Variants in POU6F2 observed in about 807,000 individuals in gnomAD.
POU6F2 encodes the protein POU domain, class 6, transcription factor 2.
In POU6F2, 31 loss-of-function variants were observed where a neutral mutation model predicts 71.3. That is an observed-to-expected ratio of 0.43 (90% confidence interval 0.33 to 0.59). The LOEUF is 0.59. Ranked by LOEUF, POU6F2 falls within the 20% of genes least tolerant of loss-of-function variation. POU6F2 has a pLI of 0.04. For synonymous variants in POU6F2, 347 were observed against 355.7 expected (o/e 0.98, Z 0.27); for missense variants, 783 against 856.8 (o/e 0.91, Z 1.07).
intron 2 of POU6F2, among the ~76,000 whole-genome samples, chr7:39,160,029 T>C (rs1792960183): frequency 6.6e-6 from 1 of 152,088 alleles, no homozygotes; most frequent in Non-Finnish European, 1.5e-5. Context: ...GTGTCTCTGA[T>C]GGTGTGGACA....
At chr7:39,230,006 G>A (rs1259105138) in intron 4 of POU6F2, among the ~76,000 whole-genome samples, 2 of 152,216 alleles carry the variant, frequency 1.3e-5, no homozygotes, top group Non-Finnish European at 2.9e-5. Flanking sequence ...GTCAACCAAG[G>A]CACAGATGCG....
intron 1 of POU6F2, among the ~76,000 whole-genome samples, chr7:39,041,657 T>C (rs1335683550): frequency 6.6e-6 from 1 of 152,012 alleles, no homozygotes; most frequent in Non-Finnish European, 1.5e-5. Flanking sequence ...ACATGTGTTG[T>C]AAATATTTTC....
At chr7:39,359,491 A>T (rs578026969) in intron 5 of POU6F2, among the ~76,000 whole-genome samples, 86 of 152,320 alleles carry the variant, frequency 5.6e-4, no homozygotes, top group Admixed American at 2.4e-3. Context: ...AAATATTTTT[A>T]TGTAAAATAT....
At chr7:39,184,284 C>T (rs1289810524) in intron 2 of POU6F2, among the ~76,000 whole-genome samples, 1 of 152,064 alleles carries the variant, frequency 6.6e-6, no homozygotes, top group Non-Finnish European at 1.5e-5. Context: ...TGAATCAGTG[C>T]CAATTTGTTT....
At chr7:39,052,823 T>C (rs547825459) in intron 1 of POU6F2, among the ~76,000 whole-genome samples, 2 of 152,304 alleles carry the variant, frequency 1.3e-5, no homozygotes, top group East Asian at 1.9e-4. Context: ...TCAGTATTTA[T>C]GGGGTGCTCA....
intron 6 of POU6F2, among the ~76,000 whole-genome samples, chr7:39,427,497 T>C (rs1257883801): frequency 2.0e-5 from 3 of 152,174 alleles, no homozygotes; most frequent in African/African-American, 7.2e-5. Context: ...AAATTATTCC[T>C]CTCTTAGTGT....
chr7:39,189,427 G>A (rs770785251), intron 2 of POU6F2, among the ~76,000 whole-genome samples: 13 of 152,178 alleles, frequency 8.5e-5, no homozygotes, highest in African/African-American at 1.2e-4. Context: ...TCGCCAGGCC[G>A]GAGTGCAGTT....
chr7:39,319,427 T>G (rs568077944), intron 4 of POU6F2, among the ~76,000 whole-genome samples: 1 of 151,824 alleles, frequency 6.6e-6, no homozygotes, highest in South Asian at 2.1e-4. Flanking sequence ...GTATTGTGGT[T>G]TTTGGAAACC....
In POU6F2 at chr7:39,099,615, A is replaced by T. The variant is rs139303527; in HGVS notation, c.277+13584A>T. 7.4e-4 allele frequency among the ~76,000 whole-genome samples: 112 copies of T among 152,320 alleles called. 5 individuals carry two copies. In the East Asian group the frequency reaches 0.021, roughly 28 times the overall value. On this transcript the variant is annotated intron_variant, in intron 2 of 9. Coordinates refer to ENST00000518318, the MANE Select transcript of POU6F2 (RefSeq NM_001370959.1). ...AAAAATGGTGCTGCAGAACGATGGT[A>T]ACCTGGGTTTGAATCACCACCCTTG... is the stretch of plus-strand genomic sequence containing the variant.
intron 2 of POU6F2, among the ~76,000 whole-genome samples, chr7:39,172,798 A>G (rs966346376): frequency 2.6e-5 from 4 of 151,794 alleles, no homozygotes; most frequent in Non-Finnish European, 5.9e-5. Context: ...TTTTTGTATT[A>G]TTTGTAGAGA....
intron 2 of POU6F2, among the ~76,000 whole-genome samples, chr7:39,115,866 C>T (rs1791918014): frequency 6.6e-6 from 1 of 152,022 alleles, no homozygotes; most frequent in Non-Finnish European, 1.5e-5. Context: ...GCTCTGGCAA[C>T]AGCTTCTCTT....
intron 2 of POU6F2, among the ~76,000 whole-genome samples, chr7:39,176,462 C>T (rs1468000658): frequency 6.6e-6 from 1 of 152,200 alleles, no homozygotes; most frequent in Non-Finnish European, 1.5e-5. Flanking sequence ...ATGAAGCCCC[C>T]TCTGCTCTCA....
intron 2 of POU6F2, among the ~76,000 whole-genome samples, chr7:39,141,690 A>G (rs1792506554): frequency 6.6e-6 from 1 of 152,256 alleles, no homozygotes; most frequent in Non-Finnish European, 1.5e-5. Context: ...AAAATAAACT[A>G]TCAATAATAA....
At chr7:39,213,778 A>G (rs1794188076) in intron 4 of POU6F2, among the ~76,000 whole-genome samples, 2 of 152,194 alleles carry the variant, frequency 1.3e-5, no homozygotes, top group African/African-American at 2.4e-5. Context: ...TTGTTTATCT[A>G]TGACCATTCC....
At chr7:39,383,563 T>C (rs1283919760) in intron 5 of POU6F2, among the ~76,000 whole-genome samples, 2 of 152,144 alleles carry the variant, frequency 1.3e-5, no homozygotes, top group Admixed American at 6.5e-5. Context: ...ACCTCTTTTG[T>C]CTCCACCAAC....
rs553793974 is a variant in POU6F2, at chr7:39,328,215, G to A, written c.599-11427G>A. 1.6e-4 allele frequency among the ~76,000 whole-genome samples: 24 copies of A among 152,318 alleles called. 1 individual carries two copies. In the South Asian group the frequency reaches 3.1e-3, roughly 20 times the overall value. Reference sequence around the variant, plus strand: ...ATTACAGGCGTGAGCCACCGCACCCGACCGAATCGGGTTTCTTTAATGCTG... The same window carrying A: ...ATTACAGGCGTGAGCCACCGCACCCAACCGAATCGGGTTTCTTTAATGCTG... On this transcript the variant is annotated intron_variant, in intron 4 of 9. Transcript: ENST00000518318.
In POU6F2 at chr7:39,264,928, C is replaced by T. The variant is rs1784212438; in HGVS notation, c.598+57308C>T. Among the ~76,000 whole-genome samples the T allele has an allele frequency of 2.0e-5, 3 of 152,054 alleles. No homozygotes were observed. In the South Asian group the frequency reaches 6.2e-4, roughly 32 times the overall value. Reference sequence around the variant, plus strand: ...AATTGGTTGGAAAAACTGCAAATGTCTACACATCAAAAAAGTATTTGCTCT... The same window carrying T: ...AATTGGTTGGAAAAACTGCAAATGTTTACACATCAAAAAAGTATTTGCTCT... On this transcript the variant is annotated intron_variant, in intron 4 of 9. Transcript: ENST00000518318.
chr7:39,231,797 G>A (rs1347648375), intron 4 of POU6F2, among the ~76,000 whole-genome samples: 3 of 152,036 alleles, frequency 2.0e-5, no homozygotes, highest in East Asian at 3.9e-4. Context: ...ACTGGCCCTC[G>A]CTGGACATAG....
intron 2 of POU6F2, among the ~76,000 whole-genome samples, chr7:39,092,081 A>T (rs1791372210): frequency 6.6e-6 from 1 of 152,240 alleles, no homozygotes; most frequent in African/African-American, 2.4e-5. Context: ...ACATTTGCCC[A>T]AATATGCACC....
Sources: allele counts gnomAD v4.1 joint callset (sites outside exome capture counted in the v4.1 genomes callset), GRCh38; gene constraint gnomAD v4.1.1; transcripts MANE v1.5; gene names NCBI Gene and HGNC (gene_info 2026-07-23, HGNC 2026-07-21).